The following LITAF variants were observed in gnomAD, a reference collection of about 807,000 sequenced individuals.
The protein encoded by LITAF is lipopolysaccharide induced TNF factor.
A neutral mutation model predicts 14.5 loss-of-function variants in LITAF; 9 were observed. That is an observed-to-expected ratio of 0.62 (90% CI 0.37 to 1.08). The LOEUF is 1.08. Ranked by LOEUF, LITAF falls within the 50% of genes least tolerant of loss-of-function variation. The pLI is 0.01. For missense variants in LITAF, 206 were observed against 213.4 expected (o/e 0.97, Z 0.22); for synonymous variants, 98 against 88.2 (o/e 1.11, Z -0.62).
intron 3 of LITAF, among the ~76,000 whole-genome samples, chr16:11,630,368 C>T (rs954982214): frequency 6.6e-6 from 1 of 152,162 alleles, no homozygotes; most frequent in African/African-American, 2.4e-5. Context: ...GCTTTAAACT[C>T]GCCAATGATG....
upstream of LITAF, among the ~76,000 whole-genome samples, chr16:11,602,901 A>G (rs1000386275): frequency 3.3e-5 from 5 of 152,148 alleles, no homozygotes; most frequent in African/African-American, 1.2e-4. Flanking sequence ...GCTCGAGGCC[A>G]GGAGTCCCAG....
intron 1 of LITAF, among the ~76,000 whole-genome samples, chr16:11,597,902 T>C (rs1000312753): frequency 2.0e-5 from 3 of 151,976 alleles, no homozygotes; most frequent in Admixed American, 2.0e-4. Flanking sequence ...CAGCATGCTT[T>C]TTTGCTTTCT....
intron 1 of LITAF, among the ~76,000 whole-genome samples, chr16:11,573,363 T>G (rs1567246635): frequency 1.3e-5 from 2 of 152,112 alleles, no homozygotes; most frequent in Non-Finnish European, 2.9e-5. Context: ...AAACTGAGGC[T>G]CCTGCAACAG....
chr16:11,623,976 T>A (rs113962704), intron 3 of LITAF, among the ~76,000 whole-genome samples: 22,177 of 151,692 alleles, frequency 0.15, 2,115 homozygotes, highest in Non-Finnish European at 0.22. Context: ...TCAAAAAAAA[T>A]TTTTTTAAAA....
intron 3 of LITAF, among the ~76,000 whole-genome samples, chr16:11,612,950 G>A (rs1487111081): frequency 6.6e-6 from 1 of 152,188 alleles, no homozygotes; most frequent in Admixed American, 6.5e-5. Context: ...TCATCTTGGG[G>A]CACAGCCGAT....
intron 1 of LITAF, among the ~76,000 whole-genome samples, chr16:11,593,824 C>T (rs2064864009): frequency 6.6e-6 from 1 of 152,092 alleles, no homozygotes; most frequent in Non-Finnish European, 1.5e-5. Context: ...AAAGTGGATC[C>T]GTGCTGAAAG....
chr16:11,580,446 C>T (rs770126073), intron 1 of LITAF, among the ~76,000 whole-genome samples: 2 of 152,000 alleles, frequency 1.3e-5, no homozygotes, highest in South Asian at 2.1e-4. Flanking sequence ...TTAGTAGAGA[C>T]GGGGTTTCAC....
At chr16:11,603,855 T>C (rs971165727) in intron 3 of LITAF, among the ~76,000 whole-genome samples, 6 of 150,844 alleles carry the variant, frequency 4.0e-5, no homozygotes, top group African/African-American at 4.9e-5. Context: ...CCATCCTGGC[T>C]AACACAGTGA....
upstream of LITAF, among the ~76,000 whole-genome samples, chr16:11,637,572 G>A (rs143649745): frequency 3.7e-4 from 56 of 152,332 alleles, no homozygotes; most frequent in Admixed American, 1.3e-3. Context: ...TGCCCATGAG[G>A]GGCACACAGC....
chr16:11,562,888 C>T (rs2064391251), intron 1 of LITAF, among the ~76,000 whole-genome samples: 1 of 151,900 alleles, frequency 6.6e-6, no homozygotes, highest in African/African-American at 2.4e-5. Flanking sequence ...CAGAGCAAGA[C>T]CTTGTCTCAA....
chr16:11,635,407 C>A, intron 2 of LITAF, among the ~76,000 whole-genome samples: 1 of 152,208 alleles, frequency 6.6e-6, no homozygotes, highest in Non-Finnish European at 1.5e-5. Context: ...CTCTCCCTCT[C>A]CCCTCCCTTA....
rs554398147 is a variant in LITAF at position 11,605,846 on chromosome 16, C to T, written c.85+27687G>A. Among the ~76,000 whole-genome samples, 1 of 152,258 alleles carries T rather than the reference C, an allele frequency of 6.6e-6. No individual in the cohort carries two copies. The highest frequency in any genetic ancestry group is 2.1e-4 in the South Asian group (1 of 4,816). On this transcript the variant is annotated intron_variant, in intron 3 of 3. Coordinates refer to the LITAF transcript ENST00000574848. This position sits in a 1 kb window ranked among gnomAD's most constrained non-coding sequence, Gnocchi z 4.7. ...ACACATGTCACTCTCACAACCGCAC[C>T]AGGAGGTAGGTTCCACTGTTCCCAC... is the stretch of plus-strand genomic sequence containing the variant.
At chr16:11,611,348 C>T (rs2064981239) in intron 3 of LITAF, among the ~76,000 whole-genome samples, 2 of 152,030 alleles carry the variant, frequency 1.3e-5, no homozygotes, top group South Asian at 4.1e-4. Context: ...GTCTGCAAAA[C>T]ATATATATAG....
chr16:11,602,907 C>A (rs1343377614), upstream of LITAF, among the ~76,000 whole-genome samples: 1 of 151,958 alleles, frequency 6.6e-6, no homozygotes, highest in Non-Finnish European at 1.5e-5. Flanking sequence ...GGCCAGGAGT[C>A]CCAGACCAGC....
chr16:11,634,457 A>G lies in LITAF; in HGVS notation c.-20-820T>C, dbSNP rs1018807868. 6.6e-6 allele frequency among the ~76,000 whole-genome samples: 1 copy of G among 152,216 alleles called. No individual in the cohort carries two copies. The highest frequency in any genetic ancestry group is 6.6e-5 in the Admixed American group (1 of 15,264). Reference sequence around the variant, plus strand: ...AAATTCTGCTAAGGTGTAGACATACATGATTACCAGCCATTATTCCAGAGG... The same window carrying G: ...AAATTCTGCTAAGGTGTAGACATACGTGATTACCAGCCATTATTCCAGAGG... On this transcript the variant is annotated intron_variant, in intron 2 of 3. Transcript: ENST00000574848. This position sits in a 1 kb window ranked among gnomAD's most constrained non-coding sequence, Gnocchi z 4.1.
intron 3 of LITAF, among the ~76,000 whole-genome samples, chr16:11,612,255 G>C (rs1597371089): frequency 6.6e-6 from 1 of 152,204 alleles, no homozygotes; most frequent in African/African-American, 2.4e-5. Context: ...TCTCTCCAGT[G>C]AGTCAGACCA....
chr16:11,555,393 A>G (rs1567236641), intron 2 of LITAF, among the ~76,000 whole-genome samples: 2 of 152,200 alleles, frequency 1.3e-5, no homozygotes, highest in African/African-American at 2.4e-5. Flanking sequence ...TCTGTGACTC[A>G]TGCTGATAAT....
chr16:11,588,113 A>G (rs1336763790), upstream of LITAF, among the ~76,000 whole-genome samples: 1 of 152,152 alleles, frequency 6.6e-6, no homozygotes, highest in African/African-American at 2.4e-5. Flanking sequence ...TGGACGAGTT[A>G]CCAAGTTGGA....
rs141656164 is a variant in LITAF, at chr16:11,629,697, C to G, written c.85+3836G>C. The stretch of plus-strand genomic sequence containing the variant: ...TGCAGCTGGGGTGGGAAGAATTAAA[C>G]AGACACTGCTGAGCTCAGTGCTTGA... On this transcript the variant is annotated intron_variant, in intron 3 of 3. Transcript: ENST00000574848. Among the ~76,000 whole-genome samples, 9 of 152,284 alleles carry G rather than the reference C, an allele frequency of 5.9e-5. No homozygotes were observed. In the East Asian group the frequency reaches 1.7e-3, roughly 29 times the overall value.
Sources: gnomAD v4.1 joint callset for allele counts (sites outside exome capture counted in the v4.1 genomes callset) on GRCh38, gnomAD v4.1.1 for gene constraint, Gnocchi (gnomAD v3.1) non-coding constraint, MANE v1.5 for transcripts, NCBI Gene and HGNC (gene_info 2026-07-23, HGNC 2026-07-21) for gene names.